The following HGF variants were observed in gnomAD, a reference collection of about 807,000 sequenced individuals.
The protein encoded by HGF is fibroblast-derived tumor cytotoxic factor.
Under a neutral mutation model 111.6 loss-of-function variants are expected in HGF, and 39 were observed. That is an observed-to-expected ratio of 0.35 (90% confidence interval 0.27 to 0.46). The LOEUF is 0.46. Among genes scored for constraint, HGF ranks in the 20% least tolerant of loss-of-function variants. The pLI is 1.00. For synonymous variants in HGF, 285 were observed against 294.8 expected, an observed-to-expected ratio of 0.97 and a Z score of 0.34; for missense variants, 735 against 910.5, an observed-to-expected ratio of 0.81 and a Z score of 2.48.
chr7:81,706,864 A>C (rs1789440411), intron 14 of HGF, among the ~76,000 whole-genome samples: 1 of 151,980 alleles, frequency 6.6e-6, no homozygotes, highest in Non-Finnish European at 1.5e-5. Context: ...CTGCCTCTTT[A>C]TCTTTTCCTT....
rs561001650 is a variant in HGF, at chr7:81,708,117, T to A, written c.1542-753A>T. 3.3e-5 allele frequency among the ~76,000 whole-genome samples: 5 copies of A among 151,898 alleles called. No individual in the cohort carries two copies. The South Asian group carries it at 1.0e-3, about 31-fold the overall frequency. On this transcript the variant is annotated intron_variant, in intron 13 of 17. Coordinates refer to ENST00000222390, the MANE Select transcript of HGF (RefSeq NM_000601.6). ...AATTTACATTTCCAAAGAGTACAGA[T>A]GTTCAGTGCTTCAGAGGGTAATACT...
intron 11 of HGF, among the ~76,000 whole-genome samples, chr7:81,713,243 C>T (rs952745527): frequency 6.6e-6 from 1 of 152,024 alleles, no homozygotes; most frequent in Non-Finnish European, 1.5e-5. Context: ...GTAGATATGG[C>T]CTTGCGTGGT....
intron 5 of HGF, among the ~76,000 whole-genome samples, chr7:81,750,338 A>G (rs577851466): frequency 1.7e-3 from 261 of 152,288 alleles, no homozygotes; most frequent in African/African-American, 6.1e-3. Context: ...CTCCCACAGG[A>G]GAGTTATTCC....
At chr7:81,764,012 A>C (rs1456448000) in intron 1 of HGF, among the ~76,000 whole-genome samples, 3 of 152,150 alleles carry the variant, frequency 2.0e-5, no homozygotes, top group Non-Finnish European at 4.4e-5. Flanking sequence ...GGCATGTAAC[A>C]CTTTCCTGAA....
Position 81,729,622 on chromosome 7 carries a change from A to G in HGF, c.1023T>C (p.Pro341=). ...TTACTCACTTGCACTTGAAATTTTC[A>G]GGAGTCATGTCATGCTCGTGAGGAT... ...SQYPHEHDMT[P]ENFKCKDLRE... The change falls in exon 8 of 18, where the codon CCT becomes CCC. Residue 341 remains proline, a synonymous_variant. Transcript: ENST00000222390. 2.5e-6 allele frequency: 4 copies of G among 1,613,584 alleles called. No homozygotes were observed. The highest frequency in any genetic ancestry group is 3.4e-6 in the Non-Finnish European group (4 of 1,179,540).
intron 11 of HGF, among the ~76,000 whole-genome samples, chr7:81,713,440 C>T (rs1322402668): frequency 6.6e-6 from 1 of 151,510 alleles, no homozygotes; most frequent in Non-Finnish European, 1.5e-5. Context: ...GCAGGAGAAT[C>T]GCTTAAACCT....
At chr7:81,742,557 C>A in intron 7 of HGF, 2 of 273,188 alleles carry the variant, frequency 7.3e-6, no homozygotes, top group Non-Finnish European at 1.2e-5. Context: ...TTTTAATATC[C>A]AGTTGAAAAA....
chr7:81,752,811 C>T (rs1314423001), intron 4 of HGF, among the ~76,000 whole-genome samples: 1 of 152,096 alleles, frequency 6.6e-6, no homozygotes, highest in Non-Finnish European at 1.5e-5. Context: ...CACTTTCTTA[C>T]TGTGAGACCC....
At chr7:81,735,334 C>T (rs879826114) in intron 7 of HGF, among the ~76,000 whole-genome samples, 2 of 151,962 alleles carry the variant, frequency 1.3e-5, no homozygotes, top group Non-Finnish European at 2.9e-5. Context: ...AATTCTATAG[C>T]CTTATTCTTT....
Position 81,751,238 on chromosome 7 carries a change from C to T in HGF, c.625+882G>A, listed in dbSNP as rs912759309. ...ACAGCATTCCAGTAGTCCCCCTCCC[C>T]AAATACTCCAAAATCCTAACAATTT... On this transcript the variant is annotated intron_variant, in intron 5 of 17. Coordinates refer to ENST00000222390, the MANE Select transcript of HGF (RefSeq NM_000601.6). 15 of 978,056 alleles carry T rather than the reference C, an allele frequency of 1.5e-5. No homozygotes were observed. In the Admixed American group the frequency reaches 1.8e-4, roughly 12 times the overall value. 60.6% of individuals were successfully genotyped at this position (978,056 alleles called of 1,614,324 possible). A position where few individuals can be genotyped will look rare whatever the true frequency, so the allele number is the denominator to read the frequency against.
Position 81,755,567 on chromosome 7 carries a change from G to A in HGF, c.482+1622C>T, listed in dbSNP as rs17500698. ...GAGAATCACGATCATAGAAAACTCAGGGTGAAATAAGACCTCTACTAGGTT... is the reference window on the plus strand; with the variant it reads ...GAGAATCACGATCATAGAAAACTCAAGGTGAAATAAGACCTCTACTAGGTT... On this transcript the variant is annotated intron_variant, in intron 4 of 17. Transcript: ENST00000222390. 6.1e-3 allele frequency: 933 copies of A among 153,368 alleles called. 4 individuals carry two copies. Among genetic ancestry groups the A allele is most frequent in the Non-Finnish European group, 8.3e-3 (573 of 68,906 alleles). The allele number at this position is 153,368 out of a possible 1,614,324, so 9.5% of individuals were successfully genotyped here.
chr7:81,751,067 C>T, intron 5 of HGF: 1 of 983,682 alleles, frequency 1.0e-6, no homozygotes, highest in Non-Finnish European at 1.2e-6. Context: ...AAAACAAATC[C>T]TTCTCTGTGA....
chr7:81,754,726 G>GTTT (rs199817195), intron 4 of HGF, among the ~76,000 whole-genome samples: 11 of 150,716 alleles, frequency 7.3e-5, no homozygotes, highest in African/African-American at 2.4e-4. Context: ...TAAATTAACT[G>GTTT]TTTTTTTTTG....
intron 7 of HGF, among the ~76,000 whole-genome samples, chr7:81,740,637 C>T (rs1476368524): frequency 1.3e-5 from 2 of 152,306 alleles, no homozygotes; most frequent in East Asian, 3.9e-4. Flanking sequence ...AGGTCAAAAG[C>T]TCAAAGCAGG....
intron 4 of HGF, among the ~76,000 whole-genome samples, chr7:81,754,399 C>T (rs1304845395): frequency 3.3e-5 from 5 of 151,866 alleles, no homozygotes. Context: ...AAGTGATACA[C>T]CCATATACCT....
Position 81,701,529 on chromosome 7 carries a change from A to T in HGF, c.*1052T>A, listed in dbSNP as rs1393857884. 6.6e-6 allele frequency: 1 copy of T among 151,652 alleles called. No individual in the cohort carries two copies. The highest frequency in any genetic ancestry group is 1.5e-5 in the Non-Finnish European group (1 of 67,690). 9.4% of individuals were successfully genotyped at this position (151,652 alleles called of 1,614,324 possible). On this transcript the variant is annotated 3_prime_UTR_variant, in exon 18 of 18. Coordinates refer to ENST00000222390, the MANE Select transcript of HGF (RefSeq NM_000601.6). Reference sequence around the variant, plus strand: ...CAGTGAGCTAGAAGCCAATCACAGCAGCAAGGCTTAGATTTAACCTATTTA... The same window carrying T: ...CAGTGAGCTAGAAGCCAATCACAGCTGCAAGGCTTAGATTTAACCTATTTA...
At chr7:81,710,291 A>T in intron 12 of HGF, 48 bp from the exon 13 acceptor site, 1 of 1,197,028 alleles carries the variant, frequency 8.4e-7, no homozygotes, top group African/African-American at 1.5e-5. Context: ...AATTTGAAAT[A>T]ATCAGTGCCT....
chr7:81,730,254 G>C (rs1336776599), intron 7 of HGF, among the ~76,000 whole-genome samples: 1 of 152,044 alleles, frequency 6.6e-6, no homozygotes, highest in African/African-American at 2.4e-5. Flanking sequence ...TTTAAGACCA[G>C]CCTGGCCAAC....
In HGF at chr7:81,770,024, G is replaced by A; in HGVS notation, c.-53C>T. 7.3e-7 allele frequency: 1 copy of A among 1,361,948 alleles called. No homozygotes were observed. The highest frequency in any genetic ancestry group is 2.5e-5 in the East Asian group (1 of 39,982). 84.4% of individuals were successfully genotyped at this position (1,361,948 alleles called of 1,614,324 possible). A position where few individuals can be genotyped will look rare whatever the true frequency, so the allele number is the denominator to read the frequency against. On this transcript the variant is annotated 5_prime_UTR_variant, in exon 1 of 18. Coordinates refer to ENST00000222390, the MANE Select transcript of HGF (RefSeq NM_000601.6). ...CTCTGGAGGAGATGCCTGGGTGAAA[G>A]AATCCTGTTCGGAGTCAGTGCCTAA...
Sources: gnomAD v4.1 joint callset for allele counts (sites outside exome capture counted in the v4.1 genomes callset) on GRCh38, gnomAD v4.1.1 for gene constraint, MANE v1.5 for transcripts, NCBI Gene and HGNC (gene_info 2026-07-23, HGNC 2026-07-21) for gene names.